The following ACTR2 variants were observed in gnomAD, a reference collection of about 807,000 sequenced individuals.
The protein encoded by ACTR2 is actin related protein 2, also known as actin-related protein 2.
Under a neutral mutation model 50.2 loss-of-function variants are expected in ACTR2, and 5 were observed. The observed-to-expected ratio is 0.10, with a 90% CI of 0.05 to 0.21. ACTR2 has a LOEUF of 0.21. ACTR2 is among the 10% of genes least tolerant of loss of function. The pLI is 1.00. For synonymous variants in ACTR2, 140 were observed against 162.9 expected, an observed-to-expected ratio of 0.86 and a Z score of 1.07; for missense variants, 180 against 480.6, an observed-to-expected ratio of 0.37 and a Z score of 5.85.
At chr2:65,267,646 A>G (rs1194588209) in intron 8 of ACTR2, among the ~76,000 whole-genome samples, 2 of 152,036 alleles carry the variant, frequency 1.3e-5, no homozygotes, top group African/African-American at 2.4e-5. Flanking sequence ...AACTTTTCCC[A>G]ATTGCCTTTA....
At chr2:65,229,347 G>C (rs1259418915) in intron 1 of ACTR2, among the ~76,000 whole-genome samples, 2 of 152,134 alleles carry the variant, frequency 1.3e-5, no homozygotes, top group African/African-American at 4.8e-5. Context: ...AAAAGAGCTG[G>C]TATTTACTGC....
At chr2:65,264,977 C>G in intron 7 of ACTR2, 66 bp from the exon 8 acceptor site, 3 of 1,578,102 alleles carry the variant, frequency 1.9e-6, no homozygotes, top group Non-Finnish European at 8.7e-7. Context: ...ACATAAGTAA[C>G]AGTAACCCTG....
chr2:65,253,965 C>A (rs1672101411), intron 5 of ACTR2, 101 bp downstream of exon 5: 6 of 952,558 alleles, frequency 6.3e-6, no homozygotes, highest in African/African-American at 1.7e-5. Context: ...CAAATCTGTA[C>A]CACTAGAGAA....
At chr2:65,256,520 A>G (rs1254764664) in intron 6 of ACTR2, among the ~76,000 whole-genome samples, 2 of 152,228 alleles carry the variant, frequency 1.3e-5, no homozygotes, top group African/African-American at 4.8e-5. Flanking sequence ...TATGATGCAT[A>G]CTAGCTCTAC....
intron 1 of ACTR2, among the ~76,000 whole-genome samples, chr2:65,233,411 T>G (rs544941476): frequency 6.6e-6 from 1 of 151,792 alleles, no homozygotes; most frequent in Non-Finnish European, 1.5e-5. Flanking sequence ...TCCCAGCACT[T>G]TGGGAGGTAA....
chr2:65,255,967 G>A (rs1471578062), intron 6 of ACTR2, among the ~76,000 whole-genome samples: 1 of 152,068 alleles, frequency 6.6e-6, no homozygotes, highest in African/African-American at 2.4e-5. Context: ...CTAGTATTTG[G>A]CATAGCATTT....
intron 5 of ACTR2, among the ~76,000 whole-genome samples, chr2:65,255,071 A>G (rs1672123278): frequency 6.6e-6 from 1 of 152,220 alleles, no homozygotes; most frequent in Non-Finnish European, 1.5e-5. Flanking sequence ...TAATTCCCTT[A>G]TCATTCGTTA....
At chr2:65,232,228 A>G (rs563360164) in intron 1 of ACTR2, among the ~76,000 whole-genome samples, 1 of 152,322 alleles carries the variant, frequency 6.6e-6, no homozygotes, top group Admixed American at 6.5e-5. Flanking sequence ...TTGTTACCAG[A>G]CTAGGGTGAT....
intron 3 of ACTR2, among the ~76,000 whole-genome samples, chr2:65,248,412 A>T (rs546279655): frequency 6.6e-6 from 1 of 152,026 alleles, no homozygotes; most frequent in East Asian, 1.9e-4. Flanking sequence ...AAAGAAAAAA[A>T]GGGAATTGGG....
chr2:65,228,487 G>C (rs1004189039), intron 1 of ACTR2: 1 of 150,088 alleles, frequency 6.7e-6, no homozygotes, highest in Non-Finnish European at 1.5e-5. Flanking sequence ...CCCTTTCGCT[G>C]TGTTTGTTGG....
intron 2 of ACTR2, among the ~76,000 whole-genome samples, chr2:65,244,602 T>A (rs1351450033): frequency 1.3e-5 from 2 of 152,216 alleles, no homozygotes; most frequent in Non-Finnish European, 2.9e-5. Context: ...ATGTGCATGT[T>A]ATTAACTAGA....
At chr2:65,250,270 A>C (rs1402020267) in intron 3 of ACTR2, among the ~76,000 whole-genome samples, 1 of 152,044 alleles carries the variant, frequency 6.6e-6, no homozygotes, top group Non-Finnish European at 1.5e-5. Context: ...AGGCTGAGGC[A>C]GGAGAATGGC....
intron 1 of ACTR2, among the ~76,000 whole-genome samples, chr2:65,230,487 C>T (rs1215181988): frequency 2.8e-5 from 4 of 141,480 alleles, no homozygotes; most frequent in African/African-American, 8.0e-5. Flanking sequence ...TCTCGGCTCT[C>T]TGCAACCTCT....
intron 1 of ACTR2, among the ~76,000 whole-genome samples, chr2:65,230,325 C>T (rs1258576852): frequency 6.7e-6 from 1 of 149,906 alleles, no homozygotes; most frequent in Non-Finnish European, 1.5e-5. Context: ...TTTAGGGGTT[C>T]AAGGTAATGA....
chr2:65,265,107 C>A lies in ACTR2; in HGVS notation c.946C>A (p.Arg316=), dbSNP rs1462730248. ...GSTMYPGLPS[R]LERELKQLYL... ...TACTATGTATCCTGGCCTGCCATCA[C>A]GGTTGGAACGAGAACTTAAACAGCT... The change falls in exon 8 of 9, where the codon CGG becomes AGG. Residue 316 remains arginine (R), a synonymous_variant. Coordinates refer to ENST00000260641, the MANE Select transcript of ACTR2 (RefSeq NM_005722.4). 1 of 1,614,036 alleles carries A rather than the reference C, an allele frequency of 6.2e-7. No individual in the cohort carries two copies. The highest frequency in any genetic ancestry group is 8.5e-7 in the Non-Finnish European group (1 of 1,180,028).
At chr2:65,262,588 A>G (rs1672289598) in intron 7 of ACTR2, among the ~76,000 whole-genome samples, 1 of 152,030 alleles carries the variant, frequency 6.6e-6, no homozygotes, top group Non-Finnish European at 1.5e-5. Context: ...TGGCAATTGT[A>G]TCGTTTATCC....
At chr2:65,260,230 A>G (rs1342365856) in intron 6 of ACTR2, among the ~76,000 whole-genome samples, 1 of 152,234 alleles carries the variant, frequency 6.6e-6, no homozygotes, top group African/African-American at 2.4e-5. Flanking sequence ...TAATGTGGCT[A>G]GGCGCAGTGG....
At chr2:65,229,149 G>T (rs1428164871) in intron 1 of ACTR2, among the ~76,000 whole-genome samples, 1 of 151,560 alleles carries the variant, frequency 6.6e-6, no homozygotes, top group Non-Finnish European at 1.5e-5. Flanking sequence ...ATGTATTTTG[G>T]GTAGCAAAGT....
Position 65,247,667 on chromosome 2 carries a change from G to A in ACTR2, c.375+928G>A, listed in dbSNP as rs975540763. On this transcript the variant is annotated intron_variant, in intron 3 of 8. Transcript: ENST00000260641. Reference sequence around the variant, plus strand: ...GTAGATCATCATAAAGATCTTCATCGTCATTGTCTTCACACCGACGAAGAA... The same window carrying A: ...GTAGATCATCATAAAGATCTTCATCATCATTGTCTTCACACCGACGAAGAA... 3.9e-5 allele frequency among the ~76,000 whole-genome samples: 6 copies of A among 152,152 alleles called. No individual in the cohort carries two copies. In the East Asian group the frequency reaches 7.7e-4, roughly 20 times the overall value.
Sources: gnomAD v4.1 joint callset for allele counts (sites outside exome capture counted in the v4.1 genomes callset) on GRCh38, gnomAD v4.1.1 for gene constraint, MANE v1.5 for transcripts, NCBI Gene and HGNC (gene_info 2026-07-23, HGNC 2026-07-21) for gene names.